Variants in ETFBKMT observed in about 807,000 individuals in gnomAD.
The protein encoded by ETFBKMT is electron transfer flavoprotein subunit beta lysine methyltransferase, also known as electron transfer flavoprotein beta subunit lysine methyltransferase.
A neutral mutation model predicts 18.3 loss-of-function variants in ETFBKMT; 13 were observed. The observed-to-expected ratio is 0.71, with a 90% CI of 0.46 to 1.13. The LOEUF (loss-of-function observed/expected upper bound fraction) is 1.13. ETFBKMT is among the 50% of genes most tolerant of loss of function. ETFBKMT has a pLI of 0.00. For missense variants in ETFBKMT, 293 were observed against 306.2 expected, an observed-to-expected ratio of 0.96 and a Z score of 0.32; for synonymous variants, 84 against 107.9, an observed-to-expected ratio of 0.78 and a Z score of 1.37.
chr12:31,649,769 C>CTT (rs61406039), intron 1 of ETFBKMT, among the ~76,000 whole-genome samples: 83,684 of 142,508 alleles, frequency 0.59, 24,797 homozygotes, highest in East Asian at 0.73. Context: ...TTTTCCTTTT[C>CTT]TTTTTTTTTT....
At chr12:31,661,533 TG>T (rs1459291245) in intron 1 of ETFBKMT, among the ~76,000 whole-genome samples, 2 of 152,112 alleles carry the variant, frequency 1.3e-5, no homozygotes, top group African/African-American at 4.8e-5. Flanking sequence ...TGGAATGCAA[TG>T]GTGCGATCTC....
At position 31,666,048 on chromosome 12, in the gene ETFBKMT, C is replaced by T. The variant is rs770553482; in HGVS notation, c.315-39C>T. On this transcript the variant is annotated intron_variant, in intron 2 of 3. Transcript: ENST00000357721. ...GGGCCTGTTCCCAACATTTATTTTT[C>T]CTCATCTCTCTGAGACATGTTTCTC... 10 of 1,570,606 alleles carry T rather than the reference C, an allele frequency of 6.4e-6. No homozygotes were observed. In the South Asian group the frequency reaches 1.1e-4, roughly 18 times the overall value.
Position 31,669,274 on chromosome 12 carries a change from G to A in ETFBKMT, c.*1284G>A, listed in dbSNP as rs1433424888. 6.6e-6 allele frequency: 1 copy of A among 152,082 alleles called. No individual in the cohort carries two copies. The highest frequency in any genetic ancestry group is 1.9e-4 in the East Asian group (1 of 5,186). The allele number at this position is 152,082 out of a possible 1,614,324, so 9.4% of individuals were successfully genotyped here. The stretch of plus-strand genomic sequence containing the variant: ...TGTAATTCCCTGTTATTATACAGTA[G>A]CCTAACTGATGTGATAAGGTATGGG... On this transcript the variant is annotated 3_prime_UTR_variant, in exon 4 of 4. Coordinates refer to ENST00000357721, the MANE Select transcript of ETFBKMT (RefSeq NM_001135863.2).
chr12:31,653,964 A>G (rs947358689), intron 1 of ETFBKMT, among the ~76,000 whole-genome samples: 4 of 152,156 alleles, frequency 2.6e-5, no homozygotes, highest in African/African-American at 9.7e-5. Flanking sequence ...AATAAAGAAG[A>G]CAAATAATAG....
In ETFBKMT at chr12:31,671,778, T is replaced by TA. The variant is rs150523412; in HGVS notation, c.*3789dup. The TA allele has an allele frequency of 2.7e-3, 415 of 152,556 alleles. No individual in the cohort carries two copies. The highest frequency in any genetic ancestry group is 5.4e-3 in the Non-Finnish European group (366 of 68,228). 9.5% of individuals were successfully genotyped at this position (152,556 alleles called of 1,614,324 possible). A position where few individuals can be genotyped will look rare whatever the true frequency, so the allele number is the denominator to read the frequency against. On this transcript the variant is annotated 3_prime_UTR_variant, in exon 4 of 4. Transcript: ENST00000357721. ...AGTCACTTCATTTCGGTGAAACAAA[T>TA]ACCTAAATTCTTTGAAGAATTAACA...
rs180975411 is a variant in ETFBKMT at position 31,666,896 on chromosome 12, A to G, written c.445+679A>G. On this transcript the variant is annotated intron_variant, in intron 3 of 3. Transcript: ENST00000357721. ...ATGGTCTCAATCTCCTGACCTCGTG[A>G]TCTGCCCGTCTTGGCCTCCCAAAGT... Among the ~76,000 whole-genome samples the G allele has an allele frequency of 9.6e-3, 1,455 of 151,412 alleles. 20 individuals carry two copies. Among genetic ancestry groups the G allele is most frequent in the African/African-American group, 0.033 (1,377 of 41,208 alleles).
At position 31,663,186 on chromosome 12, in the gene ETFBKMT, G is replaced by A. The variant is rs368563838; in HGVS notation, c.314+919G>A. Among the ~76,000 whole-genome samples the A allele has an allele frequency of 4.0e-5, 6 of 151,418 alleles. No individual in the cohort carries two copies. The South Asian group carries it at 8.4e-4, about 21-fold the overall frequency. On this transcript the variant is annotated intron_variant, in intron 2 of 3. Coordinates refer to ENST00000357721, the MANE Select transcript of ETFBKMT (RefSeq NM_001135863.2). ...CGGCTCACTGCAAGCCCCGCCTCCCGGGTTCACGCCATTCTCCTGCCTCAC... is the reference window on the plus strand; with the variant it reads ...CGGCTCACTGCAAGCCCCGCCTCCCAGGTTCACGCCATTCTCCTGCCTCAC...
At chr12:31,664,704 C>A (rs1276807075) in intron 2 of ETFBKMT, among the ~76,000 whole-genome samples, 2 of 151,560 alleles carry the variant, frequency 1.3e-5, no homozygotes, top group Non-Finnish European at 2.9e-5. Flanking sequence ...GCAGCCTTCC[C>A]CTCCCGGGTT....
chr12:31,648,448 G>A (rs948537135), intron 1 of ETFBKMT, among the ~76,000 whole-genome samples: 3 of 144,202 alleles, frequency 2.1e-5, no homozygotes, highest in Admixed American at 7.2e-5. Context: ...TGCAACCTCC[G>A]CCTCCCAGGT....
At chr12:31,663,452 C>T (rs1951154507) in intron 2 of ETFBKMT, among the ~76,000 whole-genome samples, 1 of 151,982 alleles carries the variant, frequency 6.6e-6, no homozygotes, top group Non-Finnish European at 1.5e-5. Context: ...TCTCGAACCC[C>T]TGACCTCAAG....
At chr12:31,651,736 CT>C (rs1951020214) in intron 1 of ETFBKMT, among the ~76,000 whole-genome samples, 1 of 152,174 alleles carries the variant, frequency 6.6e-6, no homozygotes, top group South Asian at 2.1e-4. Context: ...GAACACTTAC[CT>C]TTCACTAGCT....
intron 1 of ETFBKMT, among the ~76,000 whole-genome samples, chr12:31,648,225 C>G (rs994925549): frequency 3.3e-5 from 5 of 152,184 alleles, no homozygotes; most frequent in African/African-American, 7.2e-5. Flanking sequence ...CTTCAGTATC[C>G]ACAGGGGATT....
intron 1 of ETFBKMT, among the ~76,000 whole-genome samples, chr12:31,648,557 C>A: frequency 2.4e-5 from 2 of 82,986 alleles, no homozygotes; most frequent in Non-Finnish European, 2.1e-5. Context: ...AGATGGGTTT[C>A]TTTTTTTTTT....
upstream of ETFBKMT, chr12:31,659,108 A>G (rs1951087787): frequency 6.6e-6 from 1 of 152,238 alleles, no homozygotes; most frequent in African/African-American, 2.4e-5. Context: ...AGGTGAGGTC[A>G]GGGCGCCCTT....
In ETFBKMT at chr12:31,668,238, G is replaced by C; in HGVS notation, c.*248G>C. 1 of 418,890 alleles carries C rather than the reference G, an allele frequency of 2.4e-6. No homozygotes were observed. Among genetic ancestry groups the C allele is most frequent in the African/African-American group, 2.0e-5 (1 of 49,532 alleles). The allele number at this position is 418,890 out of a possible 1,614,324, so 25.9% of individuals were successfully genotyped here. A position where few individuals can be genotyped will look rare whatever the true frequency, so the allele number is the denominator to read the frequency against. The stretch of plus-strand genomic sequence containing the variant: ...TCTATTTTAACCGCTGAAGGAATAT[G>C]ATTATACAATGCCATACTCAATGGT... On this transcript the variant is annotated 3_prime_UTR_variant, in exon 4 of 4. Coordinates refer to ENST00000357721, the MANE Select transcript of ETFBKMT (RefSeq NM_001135863.2).
Position 31,667,733 on chromosome 12 carries a change from CAAGAT to C in ETFBKMT, c.536_540del (p.Asp179ValfsTer12), listed in dbSNP as rs771429036. 6.2e-7 allele frequency: 1 copy of C among 1,613,616 alleles called. No homozygotes were observed. Among genetic ancestry groups the C allele is most frequent in the South Asian group, 1.1e-5 (1 of 91,064 alleles). The stretch of plus-strand genomic sequence containing the variant: ...AATCCAAAACATTTTGAATTTGGAA[CAAGAT>C]AAGTGGGACCTTGTTGTTCTTGGCG... On this transcript the variant is annotated frameshift_variant, in exon 4 of 4. Transcript: ENST00000357721. LOFTEE classifies it high-confidence loss of function.
At chr12:31,666,362 T>C in intron 3 of ETFBKMT, 145 bp downstream of exon 3, 1 of 872,406 alleles carries the variant, frequency 1.1e-6, no homozygotes, top group South Asian at 2.0e-5. Flanking sequence ...GGACATTATC[T>C]GTAGGAATCC....
intron 2 of ETFBKMT, 76 bp from the exon 3 acceptor site, chr12:31,666,011 C>G: frequency 7.2e-7 from 1 of 1,381,128 alleles, no homozygotes; most frequent in Non-Finnish European, 9.8e-7. Context: ...CAGTTTATGG[C>G]CAGATTTTGG....
chr12:31,668,867 AT>A lies in ETFBKMT; in HGVS notation c.*879del, dbSNP rs1243115402. The A allele has an allele frequency of 6.6e-6, 1 of 152,100 alleles. No homozygotes were observed. The highest frequency in any genetic ancestry group is 1.5e-5 in the Non-Finnish European group (1 of 68,014). 9.4% of individuals were successfully genotyped at this position (152,100 alleles called of 1,614,324 possible). A position where few individuals can be genotyped will look rare whatever the true frequency, so the allele number is the denominator to read the frequency against. ...TCTATCTCTGCTTACGTCACCCATC[AT>A]TCTTGCGTGTTGTATGCTTTTCGCA... is the stretch of plus-strand genomic sequence containing the variant. On this transcript the variant is annotated 3_prime_UTR_variant, in exon 4 of 4. Transcript: ENST00000357721.
Sources: allele counts gnomAD v4.1 joint callset (sites outside exome capture counted in the v4.1 genomes callset), GRCh38; gene constraint gnomAD v4.1.1; transcripts MANE v1.5; gene names NCBI Gene and HGNC (gene_info 2026-07-23, HGNC 2026-07-21).